GRIK4: variants seen among roughly 807,000 people sequenced by gnomAD.
GRIK4 encodes glutamate receptor ionotropic, kainate 4.
GRIK4 carries 40 observed loss-of-function variants against 104.9 expected under a neutral mutation model. That is an observed-to-expected ratio of 0.38 (90% CI 0.30 to 0.50). The LOEUF (loss-of-function observed/expected upper bound fraction) is 0.50, where lower values mean the gene tolerates loss of function less well. GRIK4 is among the 20% of genes least tolerant of loss of function. GRIK4 has a pLI of 0.93. For synonymous variants in GRIK4, 485 were observed against 524.9 expected (o/e 0.92, Z 1.04); for missense variants, 1,047 against 1,308.1 (o/e 0.80, Z 3.08).
intron 3 of GRIK4, among the ~76,000 whole-genome samples, chr11:120,677,968 C>A (rs55729961): frequency 6.6e-6 from 1 of 152,192 alleles, no homozygotes; most frequent in Non-Finnish European, 1.5e-5. Context: ...GGTGTGGAAA[C>A]TGAGGTGTGG....
intron 3 of GRIK4, among the ~76,000 whole-genome samples, chr11:120,791,227 C>CT (rs1239320473): frequency 6.6e-6 from 1 of 152,088 alleles, no homozygotes; most frequent in African/African-American, 2.4e-5. Context: ...GAGGTTGGGG[C>CT]ATATGAGAGT....
At chr11:120,691,380 A>G (rs1204664820) in intron 3 of GRIK4, among the ~76,000 whole-genome samples, 2 of 152,168 alleles carry the variant, frequency 1.3e-5, no homozygotes, top group African/African-American at 4.8e-5. Flanking sequence ...GCCTTGTGCA[A>G]GACACTTCGA....
At chr11:120,526,662 A>G (rs984814070) in intron 1 of GRIK4, among the ~76,000 whole-genome samples, 2 of 152,138 alleles carry the variant, frequency 1.3e-5, no homozygotes, top group Non-Finnish European at 2.9e-5. Context: ...GTGAAACCCC[A>G]TCTCCCCTAA....
chr11:120,664,456 G>T (rs1386589254), intron 3 of GRIK4, among the ~76,000 whole-genome samples: 1 of 152,164 alleles, frequency 6.6e-6, no homozygotes, highest in African/African-American at 2.4e-5. Context: ...TCTTTGCCTG[G>T]CACTGGGCTA....
At chr11:120,655,606 C>G (rs1949694542) in intron 2 of GRIK4, among the ~76,000 whole-genome samples, 1 of 152,150 alleles carries the variant, frequency 6.6e-6, no homozygotes, top group African/African-American at 2.4e-5. Flanking sequence ...GATGGGGGCC[C>G]AATGAAGATG....
At chr11:120,621,061 T>A (rs1591745607) in intron 1 of GRIK4, among the ~76,000 whole-genome samples, 1 of 152,192 alleles carries the variant, frequency 6.6e-6, no homozygotes, top group East Asian at 1.9e-4. Context: ...GGATGGGTGG[T>A]TCAGTGCTGA....
intron 20 of GRIK4, among the ~76,000 whole-genome samples, chr11:120,984,181 T>TA (rs1319979856): frequency 6.6e-6 from 1 of 152,216 alleles, no homozygotes; most frequent in Non-Finnish European, 1.5e-5. Flanking sequence ...ATAGCTAAAA[T>TA]AAAGAGTCAG....
chr11:120,826,392 G>A (rs1953260785), intron 6 of GRIK4, among the ~76,000 whole-genome samples: 1 of 152,126 alleles, frequency 6.6e-6, no homozygotes, highest in African/African-American at 2.4e-5. Context: ...CTGACCGTAT[G>A]ATCTCAGTCA....
At chr11:120,875,504 G>C (rs530627831) in intron 11 of GRIK4, among the ~76,000 whole-genome samples, 40 of 152,300 alleles carry the variant, frequency 2.6e-4, no homozygotes, top group African/African-American at 9.1e-4. Flanking sequence ...TCATGTAAGG[G>C]GGGGAATTCC....
chr11:120,835,222 T>C (rs1949908017), intron 7 of GRIK4, among the ~76,000 whole-genome samples: 1 of 152,184 alleles, frequency 6.6e-6, no homozygotes, highest in Non-Finnish European at 1.5e-5. Flanking sequence ...AGCCTGCAAG[T>C]GTTCCTATAA....
At chr11:120,682,522 G>A (rs551823813) in intron 3 of GRIK4, among the ~76,000 whole-genome samples, 7 of 151,906 alleles carry the variant, frequency 4.6e-5, no homozygotes, top group African/African-American at 1.7e-4. Flanking sequence ...AGTGCACCAA[G>A]AGGCTTCCTG....
At chr11:120,705,068 A>G (rs868223015) in intron 3 of GRIK4, among the ~76,000 whole-genome samples, 1 of 152,198 alleles carries the variant, frequency 6.6e-6, no homozygotes, top group Non-Finnish European at 1.5e-5. Context: ...ATCCTATGCC[A>G]ATAACACACT....
rs537506805 is a variant in GRIK4 at position 120,698,327 on chromosome 11, A to G, written c.82+37927A>G. The stretch of plus-strand genomic sequence containing the variant: ...ATATCCCGAGTTTCCAGAAAGCTCC[A>G]CAGGGTCCCTGTTAAGAACTAATGG... On this transcript the variant is annotated intron_variant, in intron 3 of 20. Transcript: ENST00000527524. Among the ~76,000 whole-genome samples, 3 of 152,350 alleles carry G rather than the reference A, an allele frequency of 2.0e-5. No individual in the cohort carries two copies. In the East Asian group the frequency reaches 5.8e-4, roughly 29 times the overall value.
In GRIK4 at chr11:120,513,272, A is replaced by C. The variant is rs1947684190; in HGVS notation, c.-159+1385A>C. On this transcript the variant is annotated intron_variant, in intron 1 of 20. Coordinates refer to ENST00000527524, the MANE Select transcript of GRIK4 (RefSeq NM_014619.5). The surrounding 1 kb of genome is among the most constrained non-coding windows in gnomAD (Gnocchi z 4.5). The stretch of plus-strand genomic sequence containing the variant: ...ACTCCCTATGGGTCACCTGGTTGGT[A>C]GTGACACTTCTAGGAGCACCGGGAA... Among the ~76,000 whole-genome samples the C allele has an allele frequency of 6.6e-6, 1 of 152,170 alleles. No individual in the cohort carries two copies. Among genetic ancestry groups the C allele is most frequent in the Non-Finnish European group, 1.5e-5 (1 of 68,030 alleles).
intron 3 of GRIK4, among the ~76,000 whole-genome samples, chr11:120,763,866 A>T (rs1414164339): frequency 2.0e-5 from 3 of 152,160 alleles, no homozygotes; most frequent in Non-Finnish European, 4.4e-5. Flanking sequence ...ACTTCCAATT[A>T]TGTGGTCAAT....
intron 4 of GRIK4, among the ~76,000 whole-genome samples, chr11:120,811,966 C>T (rs761297187): frequency 6.6e-6 from 1 of 152,204 alleles, no homozygotes. Context: ...ATAAATAAGA[C>T]AGGTTCTCTG....
intron 3 of GRIK4, among the ~76,000 whole-genome samples, chr11:120,733,926 C>T (rs778085579): frequency 8.6e-5 from 13 of 151,878 alleles, no homozygotes; most frequent in East Asian, 1.9e-4. Context: ...TTAGTAGAGA[C>T]GGGGTTTCAT....
Position 120,836,930 on chromosome 11 carries a change from G to T in GRIK4, c.744+86G>T, listed in dbSNP as rs1591975622. 6.6e-6 allele frequency: 6 copies of T among 908,576 alleles called. No homozygotes were observed. In the East Asian group the frequency reaches 1.5e-4, roughly 22 times the overall value. 56.3% of individuals were successfully genotyped at this position (908,576 alleles called of 1,614,324 possible). A position where few individuals can be genotyped will look rare whatever the true frequency, so the allele number is the denominator to read the frequency against. On this transcript the variant is annotated intron_variant, in intron 8 of 20. Coordinates refer to ENST00000527524, the MANE Select transcript of GRIK4 (RefSeq NM_014619.5). ...GGATTATAAGGGAAAAAGCCCAGGG[G>T]ATGACGAGTACAGGAGATAGAAGCA... is the stretch of plus-strand genomic sequence containing the variant.
At chr11:120,985,130 T>C (rs986402598) in intron 20 of GRIK4, among the ~76,000 whole-genome samples, 2 of 152,086 alleles carry the variant, frequency 1.3e-5, no homozygotes, top group African/African-American at 2.4e-5. Flanking sequence ...TGCCCAGCCC[T>C]ATCCTGTATT....
Sources: gnomAD v4.1 joint callset for allele counts (sites outside exome capture counted in the v4.1 genomes callset) on GRCh38, gnomAD v4.1.1 for gene constraint, Gnocchi (gnomAD v3.1) non-coding constraint, MANE v1.5 for transcripts, NCBI Gene and HGNC (gene_info 2026-07-23, HGNC 2026-07-21) for gene names.